CCSER1: variants seen among roughly 807,000 people sequenced by gnomAD.
The protein encoded by CCSER1 is serine-rich coiled-coil domain-containing protein 1.
CCSER1 carries 41 observed loss-of-function variants against 82.0 expected under a neutral mutation model. The ratio of observed to expected loss-of-function variants is 0.50; its 90% CI spans 0.39 to 0.65. The LOEUF (loss-of-function observed/expected upper bound fraction) is 0.65. Among genes scored for constraint, CCSER1 ranks in the 30% least tolerant of loss-of-function variants. The probability of loss-of-function intolerance (pLI) is 0.00; values close to 1 mark genes in which losing one functional copy is unlikely to be tolerated. For synonymous variants in CCSER1, 414 were observed against 383.9 expected, an observed-to-expected ratio of 1.08 and a Z score of -0.92; for missense variants, 1,119 against 1,064.2, an observed-to-expected ratio of 1.05 and a Z score of -0.72.
chr4:90,484,475 GCT>G (rs1225722929), intron 5 of CCSER1, among the ~76,000 whole-genome samples: 1 of 152,074 alleles, frequency 6.6e-6, no homozygotes, highest in East Asian at 1.9e-4. Context: ...TGGTTTTTCT[GCT>G]CTGTTTTTTC....
rs574560187 is a variant in CCSER1 at position 91,090,951 on chromosome 4, T to G, written c.2217+4957T>G. On this transcript the variant is annotated intron_variant, in intron 10 of 10. Coordinates refer to ENST00000509176, the MANE Select transcript of CCSER1 (RefSeq NM_001145065.2). ...GTTTGTGATTACTAATTCTTAAAGGTTGCAGCTTCCACTCATGCAGGAGGG... is the reference window on the plus strand; with the variant it reads ...GTTTGTGATTACTAATTCTTAAAGGGTGCAGCTTCCACTCATGCAGGAGGG... Among the ~76,000 whole-genome samples the G allele has an allele frequency of 1.4e-4, 21 of 152,292 alleles. No individual in the cohort carries two copies. In the South Asian group the frequency reaches 4.1e-3, roughly 30 times the overall value.
intron 3 of CCSER1, among the ~76,000 whole-genome samples, chr4:90,398,735 T>C (rs1752385377): frequency 6.6e-6 from 1 of 152,206 alleles, no homozygotes; most frequent in East Asian, 1.9e-4. Flanking sequence ...ATTTTATTTA[T>C]AGTTTAAGTT....
intron 10 of CCSER1, among the ~76,000 whole-genome samples, chr4:91,484,260 AC>A (rs1211016733): frequency 6.6e-6 from 1 of 152,136 alleles, no homozygotes; most frequent in Non-Finnish European, 1.5e-5. Context: ...AGAACCTTGA[AC>A]TACTGCTCAC....
At chr4:90,233,110 C>A (rs1411987832) in intron 1 of CCSER1, among the ~76,000 whole-genome samples, 2 of 152,060 alleles carry the variant, frequency 1.3e-5, no homozygotes, top group African/African-American at 2.4e-5. Flanking sequence ...TTGACCCAGC[C>A]ATCCCATTAC....
chr4:91,335,173 C>A (rs945020270), intron 10 of CCSER1, among the ~76,000 whole-genome samples: 2 of 152,128 alleles, frequency 1.3e-5, no homozygotes, highest in Admixed American at 1.3e-4. Context: ...GGTAAACCAG[C>A]ATCTCAAGTA....
At position 91,471,544 on chromosome 4, in the gene CCSER1, G is replaced by T. The variant is rs552114104; in HGVS notation, c.2218-127028G>T. Reference sequence around the variant, plus strand: ...CAAAGCCGTGACGACGCACTCCCCTGAGACACGGTCTGCTTGTTTTGCTGC... The same window carrying T: ...CAAAGCCGTGACGACGCACTCCCCTTAGACACGGTCTGCTTGTTTTGCTGC... On this transcript the variant is annotated intron_variant, in intron 10 of 10. Coordinates refer to ENST00000509176, the MANE Select transcript of CCSER1 (RefSeq NM_001145065.2). Among the ~76,000 whole-genome samples, 15 of 152,224 alleles carry T rather than the reference G, an allele frequency of 9.9e-5. 1 individual carries two copies. In the South Asian group the frequency reaches 3.1e-3, roughly 32 times the overall value.
intron 9 of CCSER1, among the ~76,000 whole-genome samples, chr4:91,051,217 A>G (rs1249486431): frequency 6.6e-6 from 1 of 152,194 alleles, no homozygotes; most frequent in Non-Finnish European, 1.5e-5. Context: ...TATCAAGGAG[A>G]CAATGAGCCC....
intron 1 of CCSER1, among the ~76,000 whole-genome samples, chr4:90,298,117 T>G (rs1436753683): frequency 6.6e-6 from 1 of 152,178 alleles, no homozygotes; most frequent in Admixed American, 6.5e-5. Context: ...TGAATCCATC[T>G]GGTCCTGGAC....
At chr4:91,319,326 G>C (rs1269340853) in intron 10 of CCSER1, among the ~76,000 whole-genome samples, 1 of 151,978 alleles carries the variant, frequency 6.6e-6, no homozygotes, top group African/African-American at 2.4e-5. Context: ...TCTAGTAGCA[G>C]GATGTACTAT....
At chr4:91,596,805 G>T (rs1216084357) in intron 10 of CCSER1, among the ~76,000 whole-genome samples, 1 of 151,790 alleles carries the variant, frequency 6.6e-6, no homozygotes, top group Non-Finnish European at 1.5e-5. Flanking sequence ...CACAGAGGGG[G>T]GTCTGCTGTA....
At chr4:91,050,344 T>C (rs1742888981) in intron 9 of CCSER1, among the ~76,000 whole-genome samples, 1 of 151,454 alleles carries the variant, frequency 6.6e-6, no homozygotes, top group Non-Finnish European at 1.5e-5. Context: ...GGCAGGAGAC[T>C]CTCTTGAACC....
intron 10 of CCSER1, among the ~76,000 whole-genome samples, chr4:91,514,110 G>A (rs1055170353): frequency 2.6e-5 from 4 of 152,032 alleles, no homozygotes; most frequent in Admixed American, 1.3e-4. Flanking sequence ...AAACTTTCCT[G>A]TCAACACTAC....
chr4:90,290,530 A>G (rs1174432822), intron 1 of CCSER1, among the ~76,000 whole-genome samples: 1 of 151,928 alleles, frequency 6.6e-6, no homozygotes, highest in Non-Finnish European at 1.5e-5. Flanking sequence ...TGAATCACAA[A>G]ATGTTCTCAG....
At chr4:91,309,820 T>C (rs12642154) in intron 10 of CCSER1, among the ~76,000 whole-genome samples, 119,022 of 151,866 alleles carry the variant, frequency 0.78, 46,742 homozygotes, top group Middle Eastern at 0.85. Flanking sequence ...TTTGGAAGAA[T>C]GATACGTTAG....
chr4:90,647,900 G>C lies in CCSER1; in HGVS notation c.1932+19668G>C, dbSNP rs923019247. 5.3e-5 allele frequency among the ~76,000 whole-genome samples: 8 copies of C among 152,092 alleles called. 1 individual carries two copies. Among genetic ancestry groups the C allele is most frequent in the Admixed American group, 4.6e-4 (7 of 15,276 alleles). ...AATTGGTATTTGGCTTATACGTTATGTGAAAAACAGCAACAACAAAAAATA... is the reference window on the plus strand; with the variant it reads ...AATTGGTATTTGGCTTATACGTTATCTGAAAAACAGCAACAACAAAAAATA... On this transcript the variant is annotated intron_variant, in intron 6 of 10. Transcript: ENST00000509176.
chr4:91,264,570 A>C (rs1329483533), intron 10 of CCSER1, among the ~76,000 whole-genome samples: 2 of 151,938 alleles, frequency 1.3e-5, no homozygotes, highest in Admixed American at 1.3e-4. Flanking sequence ...CCCATGAAAC[A>C]CTCTCGCACT....
chr4:90,535,049 C>A (rs1350819816), intron 5 of CCSER1, among the ~76,000 whole-genome samples: 1 of 152,036 alleles, frequency 6.6e-6, no homozygotes, highest in African/African-American at 2.4e-5. Context: ...TGCTTAGATT[C>A]ATCAGGAATA....
At chr4:90,558,426 A>T (rs1371902063) in intron 5 of CCSER1, among the ~76,000 whole-genome samples, 1 of 152,118 alleles carries the variant, frequency 6.6e-6, no homozygotes, top group African/African-American at 2.4e-5. Flanking sequence ...TTCTTCAAAA[A>T]TTCCAGTAAA....
At chr4:90,396,314 A>T (rs541910191) in intron 3 of CCSER1, among the ~76,000 whole-genome samples, 6 of 152,200 alleles carry the variant, frequency 3.9e-5, no homozygotes, top group African/African-American at 1.4e-4. Context: ...TTCTTTTTTT[A>T]CCTGATTCCT....
Sources: allele counts gnomAD v4.1 joint callset (sites outside exome capture counted in the v4.1 genomes callset), GRCh38; gene constraint gnomAD v4.1.1; transcripts MANE v1.5; gene names NCBI Gene and HGNC (gene_info 2026-07-23, HGNC 2026-07-21).